The following PLEKHA1 variants were observed in gnomAD, a reference collection of about 807,000 sequenced individuals.
PLEKHA1 encodes the protein pleckstrin homology domain containing A1.
Under a neutral mutation model 52.0 loss-of-function variants are expected in PLEKHA1, and 34 were observed. The observed-to-expected ratio is 0.65, with a 90% CI of 0.50 to 0.87. PLEKHA1 has a LOEUF of 0.87. PLEKHA1 is among the 40% of genes least tolerant of loss of function. PLEKHA1 has a pLI of 0.00. For synonymous variants in PLEKHA1, 163 were observed against 170.7 expected (o/e 0.95, Z 0.35); for missense variants, 497 against 504.2 (o/e 0.99, Z 0.14).
intron 8 of PLEKHA1, chr10:122,420,263 T>G (rs1383968517): frequency 6.6e-6 from 1 of 152,280 alleles, no homozygotes; most frequent in Admixed American, 6.5e-5. Context: ...TTATCTTGTC[T>G]ATATTTTTCT....
At position 122,393,021 on chromosome 10, in the gene PLEKHA1, A is replaced by C. The variant is rs1465700984; in HGVS notation, c.-20-160A>C. ...AACCACTCTTCACAAACTGAATTTC[A>C]AAAGTGATTTTTGTCAATGCCTCAG... On this transcript the variant is annotated intron_variant, in intron 1 of 11. Transcript: ENST00000368990. This position sits in a 1 kb window ranked among gnomAD's most constrained non-coding sequence, Gnocchi z 4.5. 1 of 501,162 alleles carries C rather than the reference A, an allele frequency of 2.0e-6. No individual in the cohort carries two copies. The highest frequency in any genetic ancestry group is 3.4e-6 in the Non-Finnish European group (1 of 294,378). The allele number at this position is 501,162 out of a possible 1,614,324, so 31.0% of individuals were successfully genotyped here.
chr10:122,420,727 A>G (rs2097248757), intron 8 of PLEKHA1: 1 of 152,212 alleles, frequency 6.6e-6, no homozygotes, highest in Non-Finnish European at 1.5e-5. Flanking sequence ...TCAATCTGAA[A>G]TGACTCAGAC....
At chr10:122,403,908 T>C (rs1177320285) in intron 4 of PLEKHA1, among the ~76,000 whole-genome samples, 1 of 152,152 alleles carries the variant, frequency 6.6e-6, no homozygotes, top group Non-Finnish European at 1.5e-5. Context: ...GCCAGGCTTG[T>C]CTCGAACCCC....
At chr10:122,414,057 A>G (rs983310169) in intron 6 of PLEKHA1, among the ~76,000 whole-genome samples, 4 of 152,108 alleles carry the variant, frequency 2.6e-5, no homozygotes, top group South Asian at 4.1e-4. Context: ...CCCTGCTGTC[A>G]TAGAGCATAC....
chr10:122,395,966 C>G (rs1343812800), intron 2 of PLEKHA1, among the ~76,000 whole-genome samples: 1 of 151,962 alleles, frequency 6.6e-6, no homozygotes, highest in Non-Finnish European at 1.5e-5. Flanking sequence ...CTTAAATGTT[C>G]TATTAGTTTG....
intron 3 of PLEKHA1, 61 bp from the exon 4 acceptor site, chr10:122,400,282 A>AT: frequency 2.9e-6 from 4 of 1,361,516 alleles, no homozygotes; most frequent in Non-Finnish European, 4.1e-6. Context: ...TACATAGTAT[A>AT]TAAGGTTGGT....
downstream of PLEKHA1, chr10:122,436,844 G>A (rs1294309858): frequency 6.6e-6 from 1 of 151,956 alleles, no homozygotes; most frequent in Non-Finnish European, 1.5e-5. Context: ...GGTCCTAAGT[G>A]ATGGAGAAAG....
intron 1 of PLEKHA1, among the ~76,000 whole-genome samples, chr10:122,377,489 A>G (rs1051734581): frequency 6.6e-6 from 1 of 152,242 alleles, no homozygotes; most frequent in South Asian, 2.1e-4. Context: ...TTTTTTGACC[A>G]TTTGTGAGTA....
intron 4 of PLEKHA1, among the ~76,000 whole-genome samples, chr10:122,403,614 T>A (rs901537569): frequency 5.7e-5 from 8 of 141,250 alleles, no homozygotes; most frequent in Non-Finnish European, 1.2e-4. Flanking sequence ...TTTTTTTTTT[T>A]ATTGTTCAAA....
chr10:122,424,841 AAG>A (rs2097314480), intron 9 of PLEKHA1, 53 bp from the exon 10 acceptor site: 4 of 1,474,066 alleles, frequency 2.7e-6, no homozygotes, highest in Admixed American at 3.5e-5. Flanking sequence ...AAACAAATGA[AAG>A]AGAAACTCAA....
chr10:122,395,110 C>G (rs11200607), intron 2 of PLEKHA1, among the ~76,000 whole-genome samples: 1 of 151,934 alleles, frequency 6.6e-6, no homozygotes. Context: ...TTCCAGTGCT[C>G]AAAGAACAGT....
chr10:122,429,141 G>T (rs145478100), intron 11 of PLEKHA1, among the ~76,000 whole-genome samples: 5 of 152,086 alleles, frequency 3.3e-5, no homozygotes, highest in Admixed American at 3.3e-4. Context: ...AAGATGATTC[G>T]TGCTTATTAA....
At chr10:122,386,530 T>G (rs1199550372) in intron 1 of PLEKHA1, 1 of 152,208 alleles carries the variant, frequency 6.6e-6, no homozygotes, top group Admixed American at 6.5e-5. Context: ...TCAGGCTTTT[T>G]GTGTCTTATC....
At chr10:122,376,424 T>G (rs538149374) in intron 1 of PLEKHA1, among the ~76,000 whole-genome samples, 1 of 151,260 alleles carries the variant, frequency 6.6e-6, no homozygotes, top group South Asian at 2.1e-4. Context: ...AACCTTACAC[T>G]GTATCTACTG....
chr10:122,419,153 C>A lies in PLEKHA1; in HGVS notation c.681+1185C>A, dbSNP rs1457751994. On this transcript the variant is annotated intron_variant, in intron 8 of 11. Coordinates refer to ENST00000368990, the MANE Select transcript of PLEKHA1 (RefSeq NM_001001974.4). ...TTAGACTCTGGGTTAAGTGTCTTCT[C>A]TTTATATGCCCTGTGGTACCCTATG... 2.0e-5 allele frequency: 3 copies of A among 152,168 alleles called. No homozygotes were observed. In the East Asian group the frequency reaches 5.8e-4, roughly 29 times the overall value. 9.4% of individuals were successfully genotyped at this position (152,168 alleles called of 1,614,324 possible).
In PLEKHA1 at chr10:122,393,303, A is replaced by G. The variant is rs1164619940; in HGVS notation, c.103A>G (p.Arg35Gly). The G allele has an allele frequency of 1.9e-6, 3 of 1,612,670 alleles. No individual in the cohort carries two copies. The change falls in exon 2 of 12, where the codon AGA becomes GGA. Residue 35 changes from arginine (R) to glycine (G), a missense_variant. By Grantham distance (125) the Arg-to-Gly change is moderately radical. Transcript: ENST00000368990. The surrounding 1 kb of genome is among the most constrained non-coding windows in gnomAD (Gnocchi z 4.5). Reference sequence around the variant, plus strand: ...TCGAAGGTACTTCATACTGGATACCAGAGAAGATAGTTTCGTGTGGTACAT... The same window carrying G: ...TCGAAGGTACTTCATACTGGATACCGGAGAAGATAGTTTCGTGTGGTACAT... ...FLRRYFILDT[R>G]EDSFVWYMDN...
intron 2 of PLEKHA1, among the ~76,000 whole-genome samples, chr10:122,396,732 T>C (rs1302406162): frequency 6.6e-6 from 1 of 152,066 alleles, no homozygotes; most frequent in Non-Finnish European, 1.5e-5. Flanking sequence ...AGAAATAATT[T>C]TCAAAATCAA....
intron 1 of PLEKHA1, among the ~76,000 whole-genome samples, chr10:122,389,563 G>A (rs761347818): frequency 6.6e-6 from 1 of 152,218 alleles, no homozygotes; most frequent in Non-Finnish European, 1.5e-5. Flanking sequence ...AGTCAGGCAT[G>A]ATGGCATGTG....
intron 1 of PLEKHA1, among the ~76,000 whole-genome samples, chr10:122,385,378 C>T (rs985874905): frequency 2.3e-5 from 3 of 128,522 alleles, no homozygotes; most frequent in African/African-American, 6.1e-5. Context: ...AGTGCAGTGG[C>T]GTGATCTAGG....
Sources: allele counts gnomAD v4.1 joint callset (sites outside exome capture counted in the v4.1 genomes callset), GRCh38; gene constraint gnomAD v4.1.1; non-coding constraint Gnocchi (gnomAD v3.1); transcripts MANE v1.5; gene names NCBI Gene and HGNC (gene_info 2026-07-23, HGNC 2026-07-21).